PRIM2: variants seen among roughly 807,000 people sequenced by gnomAD.
PRIM2 encodes DNA primase subunit 2, also known as DNA primase large subunit.
PRIM2 carries 39 observed loss-of-function variants against 67.3 expected under a neutral mutation model. That is an observed-to-expected ratio of 0.58 (90% CI 0.45 to 0.76). The LOEUF is 0.76. PRIM2 is among the 30% of genes least tolerant of loss of function. The pLI is 0.00. For missense variants in PRIM2, 398 were observed against 598.7 expected, an observed-to-expected ratio of 0.66 and a Z score of 3.50; for synonymous variants, 143 against 198.7, an observed-to-expected ratio of 0.72 and a Z score of 2.36.
chr6:57,393,306 C>T (rs1770418902), intron 7 of PRIM2, among the ~76,000 whole-genome samples: 1 of 152,114 alleles, frequency 6.6e-6, no homozygotes, highest in African/African-American at 2.4e-5. Context: ...TCATCACATC[C>T]ATGCCAACAT....
the PRIM2 span, among the ~76,000 whole-genome samples, chr6:57,241,941 A>G: frequency 4.5e-4 from 68 of 152,270 alleles, no homozygotes; most frequent in South Asian, 8.3e-4. Flanking sequence ...CAAAGTGCTG[A>G]GATTACAGGC....
intron 7 of PRIM2, among the ~76,000 whole-genome samples, chr6:57,402,812 G>A: frequency 6.6e-6 from 1 of 152,124 alleles, no homozygotes; most frequent in Admixed American, 6.5e-5. Flanking sequence ...ACAGATGTAG[G>A]CAATATAAAA....
chr6:57,338,071 T>A (rs1768323355), intron 5 of PRIM2, among the ~76,000 whole-genome samples: 1 of 151,794 alleles, frequency 6.6e-6, no homozygotes, highest in Admixed American at 6.5e-5. Context: ...CAGAGAATAC[T>A]ACAAACACCT....
At chr6:57,381,076 T>A (rs956425812) in intron 6 of PRIM2, among the ~76,000 whole-genome samples, 1 of 152,094 alleles carries the variant, frequency 6.6e-6, no homozygotes, top group African/African-American at 2.4e-5. Context: ...ATCTGATATG[T>A]CCTATGTAAG....
intron 5 of PRIM2, among the ~76,000 whole-genome samples, chr6:57,342,821 A>G (rs4992408): frequency 0.13 from 19,581 of 152,228 alleles, 1,409 homozygotes; most frequent in African/African-American, 0.18. Flanking sequence ...TTGCCTCACT[A>G]AAAACAAGTA....
chr6:57,487,822 T>C (rs1773789263), intron 7 of PRIM2, among the ~76,000 whole-genome samples: 1 of 152,216 alleles, frequency 6.6e-6, no homozygotes, highest in Admixed American at 6.5e-5. Flanking sequence ...GTAGTGGTGA[T>C]GGTGGGAGTT....
At chr6:57,253,174 A>C in the PRIM2 span, among the ~76,000 whole-genome samples, 4 of 144,366 alleles carry the variant, frequency 2.8e-5, no homozygotes, top group Non-Finnish European at 6.0e-5. Flanking sequence ...CAATTTCCTA[A>C]GAAAAACAAC....
chr6:57,574,702 C>T (rs1469847398), intron 10 of PRIM2, among the ~76,000 whole-genome samples: 1 of 150,662 alleles, frequency 6.6e-6, no homozygotes, highest in African/African-American at 2.4e-5. Flanking sequence ...GAGCAAGGAC[C>T]AACTTCAGGA....
At chr6:57,581,944 T>C (rs1479828087) in intron 10 of PRIM2, among the ~76,000 whole-genome samples, 1 of 152,172 alleles carries the variant, frequency 6.6e-6, no homozygotes, top group Non-Finnish European at 1.5e-5. Context: ...TCTAAGGCCT[T>C]CCAGACCAGC....
the PRIM2 span, among the ~76,000 whole-genome samples, chr6:57,307,142 T>C: frequency 1.3e-5 from 2 of 151,846 alleles, no homozygotes; most frequent in Non-Finnish European, 1.5e-5. Flanking sequence ...CAGGTTGCAG[T>C]GAGCCGAGAT....
chr6:57,626,624 CT>C (rs1159199798), intron 12 of PRIM2, among the ~76,000 whole-genome samples: 1,532 of 133,788 alleles, frequency 0.011, 4 homozygotes, highest in African/African-American at 0.018. Flanking sequence ...AACTGCATTG[CT>C]TTTTTTTTTT....
chr6:57,300,333 T>C, the PRIM2 span, among the ~76,000 whole-genome samples: 2 of 152,188 alleles, frequency 1.3e-5, no homozygotes, highest in Non-Finnish European at 1.5e-5. Context: ...CTTCAGCTCC[T>C]CTGCATGAGA....
chr6:57,493,682 T>C (rs1773946006), intron 7 of PRIM2, among the ~76,000 whole-genome samples: 1 of 152,210 alleles, frequency 6.6e-6, no homozygotes. Context: ...TGAAAATCTC[T>C]CCCTCCTCCT....
intron 7 of PRIM2, among the ~76,000 whole-genome samples, chr6:57,468,388 G>A (rs2127400660): frequency 6.6e-6 from 1 of 152,254 alleles, no homozygotes; most frequent in South Asian, 2.1e-4. Flanking sequence ...TGAGATAACT[G>A]TGTGGTTTTT....
chr6:57,545,873 C>CTGTA (rs1475418306), intron 10 of PRIM2, among the ~76,000 whole-genome samples: 1 of 152,152 alleles, frequency 6.6e-6, no homozygotes, highest in Non-Finnish European at 1.5e-5. Context: ...GTAGTCCATC[C>CTGTA]TGTAGGTGGT....
chr6:57,606,287 G>A, intron 11 of PRIM2, 88 bp from the exon 12 acceptor site: 4 of 964,928 alleles, frequency 4.1e-6, no homozygotes, highest in Non-Finnish European at 6.5e-6. Flanking sequence ...ACAATTAAGG[G>A]GAGCTTAGAT....
At chr6:57,554,658 T>C (rs1461885467) in intron 10 of PRIM2, among the ~76,000 whole-genome samples, 2 of 152,224 alleles carry the variant, frequency 1.3e-5, no homozygotes, top group Non-Finnish European at 2.9e-5. Flanking sequence ...ATCTCTTGCA[T>C]AGGAAAGAAT....
intron 5 of PRIM2, among the ~76,000 whole-genome samples, chr6:57,345,474 ATGTGTGTGTG>A (rs754685184): frequency 2.4e-5 from 3 of 124,654 alleles, no homozygotes; most frequent in Admixed American, 8.5e-5. Context: ...ATATATATAT[ATGTGTGTGTG>A]TGTGTGTGTG....
chr6:57,221,685 C>G, the PRIM2 span: 7 of 152,334 alleles, frequency 4.6e-5, no homozygotes, highest in Non-Finnish European at 1.0e-4. Flanking sequence ...GCCCTCGCTC[C>G]ACCCCTCTTT....
Sources: gnomAD v4.1 joint callset for allele counts (sites outside exome capture counted in the v4.1 genomes callset) on GRCh38, gnomAD v4.1.1 for gene constraint, MANE v1.5 for transcripts, NCBI Gene and HGNC (gene_info 2026-07-23, HGNC 2026-07-21) for gene names.